The following BAG2 variants were observed in gnomAD, a reference collection of about 807,000 sequenced individuals.
BAG2 encodes the protein BAG family molecular chaperone regulator 2.
In BAG2, 8 loss-of-function variants were observed where a neutral mutation model predicts 16.4. The ratio of observed to expected loss-of-function variants is 0.49; its 90% CI spans 0.29 to 0.88. BAG2 has a LOEUF of 0.88. Among genes scored for constraint, BAG2 ranks in the 40% least tolerant of loss-of-function variants. The probability of loss-of-function intolerance (pLI) is 0.09; values close to 1 mark genes in which losing one functional copy is unlikely to be tolerated. For synonymous variants in BAG2, 82 were observed against 89.2 expected, an observed-to-expected ratio of 0.92 and a Z score of 0.46; for missense variants, 218 against 248.9, an observed-to-expected ratio of 0.88 and a Z score of 0.84.
Position 57,183,334 on chromosome 6 carries a change from A to C in BAG2, c.224-444A>C, listed in dbSNP as rs561868778. Among the ~76,000 whole-genome samples, 467 of 152,326 alleles carry C rather than the reference A, an allele frequency of 3.1e-3. 2 individuals are homozygous for C. Among genetic ancestry groups the C allele is most frequent in the Non-Finnish European group, 5.4e-3 (370 of 68,034 alleles). On this transcript the variant is annotated intron_variant, in intron 2 of 2. Coordinates refer to ENST00000370693, the MANE Select transcript of BAG2 (RefSeq NM_004282.4). ...GTGCCTAGTATTGACGACAGAAGAC[A>C]GCTTATCTTCTATCGTGGCTACATT...
Position 57,184,061 on chromosome 6 carries a change from A to G in BAG2, c.507A>G (p.Lys169=). ...VIGCALEDQK[K]IKRRLETLLR... ...GCTGTGCTCTTGAAGATCAGAAGAA[A>G]ATTAAGAGAAGATTAGAGACTCTGC... Residue 169 remains lysine (K), a synonymous_variant, in exon 3 of 3, where the codon AAA becomes AAG. Coordinates refer to ENST00000370693, the MANE Select transcript of BAG2 (RefSeq NM_004282.4). 1 of 1,612,686 alleles carries G rather than the reference A, an allele frequency of 6.2e-7. No homozygotes were observed.
In BAG2 at chr6:57,183,232, A is replaced by G. The variant is rs150271931; in HGVS notation, c.224-546A>G. 1.6e-4 allele frequency among the ~76,000 whole-genome samples: 25 copies of G among 152,240 alleles called. No individual in the cohort carries two copies. The East Asian group carries it at 4.8e-3, about 29-fold the overall frequency. On this transcript the variant is annotated intron_variant, in intron 2 of 2. Transcript: ENST00000370693. ...TGCTGACTTTCTCATATAAATAATG[A>G]AATGTTGATAGAGCTCCTCGTGCTG...
intron 1 of BAG2, among the ~76,000 whole-genome samples, chr6:57,180,851 G>A (rs1309692289): frequency 6.6e-6 from 1 of 152,008 alleles, no homozygotes; most frequent in African/African-American, 2.4e-5. Context: ...ATATATGAGA[G>A]GATGAGAGAT....
chr6:57,188,837 C>G lies in BAG2; in HGVS notation c.*4647C>G, dbSNP rs1035030656. On this transcript the variant is annotated 3_prime_UTR_variant, in exon 3 of 3. Coordinates refer to ENST00000370693, the MANE Select transcript of BAG2 (RefSeq NM_004282.4). ...TCTAAAATGGCAAAGAGAACATTTA[C>G]TTTTGATCACTTAACAAGGACACAC... 2.6e-5 allele frequency: 4 copies of G among 151,976 alleles called. No homozygotes were observed. Among genetic ancestry groups the G allele is most frequent in the African/African-American group, 9.7e-5 (4 of 41,376 alleles). 9.4% of individuals were successfully genotyped at this position (151,976 alleles called of 1,614,324 possible). A position where few individuals can be genotyped will look rare whatever the true frequency, so the allele number is the denominator to read the frequency against.
intron 1 of BAG2, among the ~76,000 whole-genome samples, chr6:57,177,867 C>T (rs1433713070): frequency 6.6e-6 from 1 of 152,142 alleles, no homozygotes; most frequent in Non-Finnish European, 1.5e-5. Context: ...TTTGCCGTTT[C>T]GATACTGAGA....
rs1307612361 is a variant in BAG2, at chr6:57,184,238, T to A, written c.*48T>A. The A allele has an allele frequency of 7.1e-7, 1 of 1,417,298 alleles. No individual in the cohort carries two copies. The highest frequency in any genetic ancestry group is 2.5e-5 in the East Asian group (1 of 40,506). 87.8% of individuals were successfully genotyped at this position (1,417,298 alleles called of 1,614,324 possible). A position where few individuals can be genotyped will look rare whatever the true frequency, so the allele number is the denominator to read the frequency against. On this transcript the variant is annotated 3_prime_UTR_variant, in exon 3 of 3. Transcript: ENST00000370693. The stretch of plus-strand genomic sequence containing the variant: ...CACAATACACAAGGTGTAAAAATGA[T>A]AAAATACTATTTTAATTGATAACTA...
intron 2 of BAG2, 57 bp downstream of exon 2, chr6:57,182,198 G>C: frequency 6.7e-7 from 1 of 1,502,858 alleles, no homozygotes; most frequent in Non-Finnish European, 9.2e-7. Context: ...AAGAGTTTAT[G>C]ATAAGTGTGG....
At chr6:57,180,310 T>G (rs1295301730) in intron 1 of BAG2, among the ~76,000 whole-genome samples, 1 of 152,084 alleles carries the variant, frequency 6.6e-6, no homozygotes, top group Non-Finnish European at 1.5e-5. Flanking sequence ...AGAAACACAA[T>G]AAACTTACCC....
chr6:57,182,778 G>A (rs1764504206), intron 2 of BAG2, among the ~76,000 whole-genome samples: 1 of 151,956 alleles, frequency 6.6e-6, no homozygotes, highest in African/African-American at 2.4e-5. Flanking sequence ...AGCCTCCCGA[G>A]TAGCTGGGAT....
At chr6:57,181,963 G>A in intron 1 of BAG2, 69 bp from the exon 2 acceptor site, 5 of 1,325,478 alleles carry the variant, frequency 3.8e-6, no homozygotes, top group Non-Finnish European at 5.3e-6. Context: ...GGTTGAATGA[G>A]AGATAAAGAA....
At chr6:57,174,277 C>T in intron 1 of BAG2, 1 of 1,297,296 alleles carries the variant, frequency 7.7e-7, no homozygotes, top group African/African-American at 1.5e-5. Flanking sequence ...CCACTTCATT[C>T]TCCTCTCCCT....
rs948299839 is a variant in BAG2 at position 57,188,209 on chromosome 6, A to T, written c.*4019A>T. The T allele has an allele frequency of 3.9e-5, 6 of 152,200 alleles. No individual in the cohort carries two copies. The highest frequency in any genetic ancestry group is 1.4e-4 in the African/African-American group (6 of 41,464). 9.4% of individuals were successfully genotyped at this position (152,200 alleles called of 1,614,324 possible). ...TTGGAAAAAAAATGTCAATTTTTGA[A>T]GGCTTTAAGAATTGATTAAATTGAG... On this transcript the variant is annotated 3_prime_UTR_variant, in exon 3 of 3. Coordinates refer to ENST00000370693, the MANE Select transcript of BAG2 (RefSeq NM_004282.4).
At chr6:57,174,836 G>C (rs1314245965) in intron 1 of BAG2, among the ~76,000 whole-genome samples, 1 of 152,156 alleles carries the variant, frequency 6.6e-6, no homozygotes, top group Non-Finnish European at 1.5e-5. Flanking sequence ...CTAATAGTTT[G>C]ATTTTGTTGA....
intron 1 of BAG2, among the ~76,000 whole-genome samples, chr6:57,177,277 G>A (rs7761756): frequency 2.6e-5 from 4 of 152,226 alleles, no homozygotes; most frequent in East Asian, 1.9e-4. Flanking sequence ...TTAGCCAGAC[G>A]TGGTGGCGCA....
At chr6:57,179,637 T>C (rs566113646) in intron 1 of BAG2, among the ~76,000 whole-genome samples, 1 of 152,358 alleles carries the variant, frequency 6.6e-6, no homozygotes, top group South Asian at 2.1e-4. Flanking sequence ...GTCACTTTCA[T>C]TTTGCAAAAG....
Position 57,184,385 on chromosome 6 carries a change from A to G in BAG2, c.*195A>G. On this transcript the variant is annotated 3_prime_UTR_variant, in exon 3 of 3. Coordinates refer to ENST00000370693, the MANE Select transcript of BAG2 (RefSeq NM_004282.4). ...CTAGCAATATTTTAATTATCTATCT[A>G]GAGATTTTTTAGATTGAATTCTTGT... is the stretch of plus-strand genomic sequence containing the variant. 2.2e-6 allele frequency: 1 copy of G among 454,234 alleles called. No homozygotes were observed. Among genetic ancestry groups the G allele is most frequent in the Non-Finnish European group, 3.7e-6 (1 of 273,402 alleles). The allele number at this position is 454,234 out of a possible 1,614,324, so 28.1% of individuals were successfully genotyped here. A position where few individuals can be genotyped will look rare whatever the true frequency, so the allele number is the denominator to read the frequency against.
chr6:57,176,983 A>C (rs779512491), intron 1 of BAG2, among the ~76,000 whole-genome samples: 2 of 152,222 alleles, frequency 1.3e-5, no homozygotes, highest in Non-Finnish European at 2.9e-5. Context: ...TTTTACACCA[A>C]AATGTCTTGA....
chr6:57,177,443 A>C (rs967548039), intron 1 of BAG2, among the ~76,000 whole-genome samples: 1 of 152,080 alleles, frequency 6.6e-6, no homozygotes, highest in African/African-American at 2.4e-5. Flanking sequence ...TTTAGAAATT[A>C]TTTCTTTCAA....
chr6:57,184,071 A>G lies in BAG2; in HGVS notation c.517A>G (p.Arg173Gly). Residue 173 changes from arginine to glycine, a missense_variant, in exon 3 of 3, where the codon AGA (arginine) becomes GGA (glycine). By Grantham distance (125) the Arg-to-Gly change is moderately radical. Around this residue, in one of 3 missense-constraint regions of BAG2, gnomAD observed 113 missense variants for 128.0 expected, o/e 0.88. Coordinates refer to ENST00000370693, the MANE Select transcript of BAG2 (RefSeq NM_004282.4). ...ALEDQKKIKR[R>G]LETLLRNIEN... is the part of the protein sequence containing the mutation. ...TGAAGATCAGAAGAAAATTAAGAGAAGATTAGAGACTCTGCTTAGAAATAT... is the reference window on the plus strand; with the variant it reads ...TGAAGATCAGAAGAAAATTAAGAGAGGATTAGAGACTCTGCTTAGAAATAT... 1 of 1,612,634 alleles carries G rather than the reference A, an allele frequency of 6.2e-7. No individual in the cohort carries two copies. Among genetic ancestry groups the G allele is most frequent in the Non-Finnish European group, 8.5e-7 (1 of 1,179,714 alleles).
Sources: gnomAD v4.1 joint callset for allele counts (sites outside exome capture counted in the v4.1 genomes callset) on GRCh38, gnomAD v4.1.1 for gene constraint, gnomAD v4.1.1 regional missense constraint, MANE v1.5 for transcripts, NCBI Gene and HGNC (gene_info 2026-07-23, HGNC 2026-07-21) for gene names.